The following RCAN2 variants were observed in gnomAD, a reference collection of about 807,000 sequenced individuals.
The protein encoded by RCAN2 is calcipressin-2.
RCAN2 carries 9 observed loss-of-function variants against 23.6 expected under a neutral mutation model. That is an observed-to-expected ratio of 0.38 (90% CI 0.23 to 0.67). The LOEUF is 0.67. RCAN2 is among the 30% of genes least tolerant of loss of function. RCAN2 has a pLI of 0.51. For missense variants in RCAN2, 273 were observed against 302.3 expected (o/e 0.90, Z 0.72); for synonymous variants, 109 against 115.7 (o/e 0.94, Z 0.37).
At chr6:46,328,701 C>T (rs930227615) in intron 2 of RCAN2, among the ~76,000 whole-genome samples, 5 of 152,196 alleles carry the variant, frequency 3.3e-5, no homozygotes, top group South Asian at 2.1e-4. Context: ...ACCACCACCT[C>T]CTGGGTTCAA....
chr6:46,312,926 G>A (rs1763309941), intron 2 of RCAN2, among the ~76,000 whole-genome samples: 1 of 152,178 alleles, frequency 6.6e-6, no homozygotes, highest in African/African-American at 2.4e-5. Context: ...AGTCAGACTA[G>A]GCAATGAGCC....
Position 46,276,227 on chromosome 6 carries a change from A to AACAAAACAAG in RCAN2, c.226-27332_226-27331insCTTGTTTTGT, listed in dbSNP as rs1767696414. ...GAGACTCTGTCTAAAAACAAAACAA[A>AACAAAACAAG]ACAAAAACCAACTATGCAGGGTTGG... On this transcript the variant is annotated intron_variant, in intron 2 of 4. Coordinates refer to ENST00000371374, the MANE Select transcript of RCAN2 (RefSeq NM_001251974.2). Among the ~76,000 whole-genome samples, 4 of 151,848 alleles carry AACAAAACAAG rather than the reference A, an allele frequency of 2.6e-5. No homozygotes were observed. In the East Asian group the frequency reaches 5.8e-4, roughly 22 times the overall value.
chr6:46,443,929 T>A (rs1443540487), intron 2 of RCAN2, among the ~76,000 whole-genome samples: 1 of 152,198 alleles, frequency 6.6e-6, no homozygotes, highest in Non-Finnish European at 1.5e-5. Flanking sequence ...TACTCTTTTT[T>A]ATCTCTCTAA....
At chr6:46,324,819 A>G (rs758050958) in intron 2 of RCAN2, among the ~76,000 whole-genome samples, 1 of 152,262 alleles carries the variant, frequency 6.6e-6, no homozygotes, top group Non-Finnish European at 1.5e-5. Flanking sequence ...CAACTGCTCA[A>G]GGAAAATGAC....
At chr6:46,257,100 G>C (rs1766946149) in intron 2 of RCAN2, among the ~76,000 whole-genome samples, 1 of 152,196 alleles carries the variant, frequency 6.6e-6, no homozygotes, top group African/African-American at 2.4e-5. Flanking sequence ...TGGTCTGTTA[G>C]AGTTTCCAAT....
At chr6:46,228,398 G>T (rs779053792) in intron 4 of RCAN2, among the ~76,000 whole-genome samples, 125 of 152,214 alleles carry the variant, frequency 8.2e-4, no homozygotes, top group Middle Eastern at 3.4e-3. Context: ...CATTATTATT[G>T]TGTGGGAGTC....
chr6:46,302,188 A>T (rs1762923718), intron 2 of RCAN2, among the ~76,000 whole-genome samples: 1 of 152,068 alleles, frequency 6.6e-6, no homozygotes, highest in African/African-American at 2.4e-5. Flanking sequence ...GTCAAGGAAG[A>T]ATGCTCCATC....
chr6:46,485,809 G>C (rs1364550288), intron 1 of RCAN2, among the ~76,000 whole-genome samples: 1 of 151,814 alleles, frequency 6.6e-6, no homozygotes, highest in Non-Finnish European at 1.5e-5. Flanking sequence ...TCACCAGCTG[G>C]ACCCAGTTCC....
intron 2 of RCAN2, among the ~76,000 whole-genome samples, chr6:46,338,615 C>G (rs995381864): frequency 2.0e-5 from 3 of 152,154 alleles, no homozygotes; most frequent in Admixed American, 1.3e-4. Flanking sequence ...ACTCTGCTTC[C>G]CTGCTGATCC....
At chr6:46,457,442 C>T (rs1465135007) in intron 1 of RCAN2, among the ~76,000 whole-genome samples, 1 of 152,138 alleles carries the variant, frequency 6.6e-6, no homozygotes, top group Non-Finnish European at 1.5e-5. Context: ...AATTAAGTAA[C>T]TTTTACAAGA....
At position 46,221,804 on chromosome 6, in the gene RCAN2, A is replaced by G; in HGVS notation, c.*1337T>C. 2.5e-6 allele frequency: 1 copy of G among 397,084 alleles called. No homozygotes were observed. Among genetic ancestry groups the G allele is most frequent in the Non-Finnish European group, 4.4e-6 (1 of 225,302 alleles). 24.6% of individuals were successfully genotyped at this position (397,084 alleles called of 1,614,324 possible). On this transcript the variant is annotated 3_prime_UTR_variant, in exon 5 of 5. Coordinates refer to ENST00000371374, the MANE Select transcript of RCAN2 (RefSeq NM_001251974.2). ...CATCTAAAGTAATTCATTAATGTAC[A>G]GGAGTAGATGAGGCCTGGCACACAT...
intron 2 of RCAN2, among the ~76,000 whole-genome samples, chr6:46,349,517 C>T (rs907185854): frequency 5.3e-5 from 8 of 151,834 alleles, no homozygotes; most frequent in African/African-American, 1.9e-4. Flanking sequence ...CCATTCCACA[C>T]GTATTTCTAT....
intron 2 of RCAN2, among the ~76,000 whole-genome samples, chr6:46,376,254 C>A (rs1453010241): frequency 6.6e-6 from 1 of 152,242 alleles, no homozygotes; most frequent in Non-Finnish European, 1.5e-5. Context: ...GCCTGGCACA[C>A]AATCCTCAGT....
chr6:46,372,168 T>C (rs1331955953), intron 2 of RCAN2, among the ~76,000 whole-genome samples: 1 of 152,174 alleles, frequency 6.6e-6, no homozygotes, highest in Non-Finnish European at 1.5e-5. Flanking sequence ...TTATTAACCA[T>C]GGAAAAGACA....
intron 2 of RCAN2, among the ~76,000 whole-genome samples, chr6:46,453,957 G>C (rs1767951838): frequency 1.3e-5 from 2 of 152,196 alleles, no homozygotes; most frequent in Non-Finnish European, 2.9e-5. Context: ...CATCATTTCT[G>C]ATGTCTCCAC....
At chr6:46,345,077 T>C (rs558900933) in intron 2 of RCAN2, among the ~76,000 whole-genome samples, 1 of 152,028 alleles carries the variant, frequency 6.6e-6, no homozygotes, top group East Asian at 1.9e-4. Context: ...ATTAGAAAAA[T>C]ATAAACCTTA....
intron 2 of RCAN2, among the ~76,000 whole-genome samples, chr6:46,253,747 C>A (rs914285948): frequency 6.6e-6 from 1 of 152,018 alleles, no homozygotes; most frequent in Admixed American, 6.6e-5. Context: ...TTTTGGTCAA[C>A]AATGGACTGC....
At chr6:46,364,052 C>T (rs1438037985) in intron 2 of RCAN2, among the ~76,000 whole-genome samples, 2 of 152,160 alleles carry the variant, frequency 1.3e-5, no homozygotes, top group African/African-American at 2.4e-5. Context: ...AACCTAGAGA[C>T]CCTATCTGTT....
intron 2 of RCAN2, among the ~76,000 whole-genome samples, chr6:46,253,860 C>G (rs1766818014): frequency 6.6e-6 from 1 of 152,096 alleles, no homozygotes; most frequent in Non-Finnish European, 1.5e-5. Context: ...GTAAAAATTG[C>G]CTACCGAATT....
Sources: gnomAD v4.1 joint callset for allele counts (sites outside exome capture counted in the v4.1 genomes callset) on GRCh38, gnomAD v4.1.1 for gene constraint, MANE v1.5 for transcripts, NCBI Gene and HGNC (gene_info 2026-07-23, HGNC 2026-07-21) for gene names.